Variants in SLC26A5 observed in about 807,000 individuals in gnomAD.
SLC26A5 encodes prestin.
A neutral mutation model predicts 81.0 loss-of-function variants in SLC26A5; 51 were observed. That is an observed-to-expected ratio of 0.63 (90% confidence interval 0.50 to 0.80). The LOEUF (loss-of-function observed/expected upper bound fraction) is 0.80. SLC26A5 is among the 30% of genes least tolerant of loss of function. The pLI is 0.00. For synonymous variants in SLC26A5, 325 were observed against 332.8 expected (o/e 0.98, Z 0.25); for missense variants, 771 against 905.8 (o/e 0.85, Z 1.91).
intron 19 of SLC26A5, chr7:103,369,113 CAT>C (rs1820878966): frequency 6.6e-6 from 1 of 152,102 alleles, no homozygotes; most frequent in African/African-American, 2.4e-5. Context: ...AAGTTGACAA[CAT>C]AGAAAATGCT....
At chr7:103,380,359 CTT>C in intron 15 of SLC26A5, 119 bp downstream of exon 15, 1 of 760,210 alleles carries the variant, frequency 1.3e-6, no homozygotes, top group Non-Finnish European at 2.3e-6. Flanking sequence ...AAAGCTCAGA[CTT>C]TTCACTTTGA....
intron 8 of SLC26A5, among the ~76,000 whole-genome samples, chr7:103,403,057 G>T (rs1036048213): frequency 2.6e-5 from 4 of 152,140 alleles, no homozygotes; most frequent in Admixed American, 2.0e-4. Flanking sequence ...GTGTCCCAGA[G>T]ATTCTGGTCG....
chr7:103,423,507 C>T (rs1324282292), intron 2 of SLC26A5, among the ~76,000 whole-genome samples: 1 of 152,136 alleles, frequency 6.6e-6, no homozygotes, highest in South Asian at 2.1e-4. Context: ...AAGAGTATTA[C>T]GAGGTGTGGT....
intron 19 of SLC26A5, among the ~76,000 whole-genome samples, chr7:103,375,101 C>T (rs983222461): frequency 1.4e-5 from 2 of 145,554 alleles, no homozygotes; most frequent in South Asian, 4.4e-4. Context: ...CATATATATA[C>T]ATATATATAT....
At chr7:103,362,794 CTTTTTTTT>C in intron 19 of SLC26A5, 3 of 839,758 alleles carry the variant, frequency 3.6e-6, no homozygotes, top group Non-Finnish European at 3.5e-6. Context: ...AAGGCTATGT[CTTTTTTTT>C]TTTTTTTTTT....
At chr7:103,440,282 A>G (rs1393603394) in intron 2 of SLC26A5, among the ~76,000 whole-genome samples, 1 of 152,232 alleles carries the variant, frequency 6.6e-6, no homozygotes, top group Non-Finnish European at 1.5e-5. Context: ...AAAGTGTTCA[A>G]TAAACAGGCA....
chr7:103,431,494 T>G (rs985520129), intron 2 of SLC26A5, among the ~76,000 whole-genome samples: 1 of 152,126 alleles, frequency 6.6e-6, no homozygotes, highest in African/African-American at 2.4e-5. Context: ...GGCTAATTTT[T>G]AAATTTTTCT....
chr7:103,387,707 G>A (rs1822306270), intron 14 of SLC26A5, among the ~76,000 whole-genome samples: 1 of 152,126 alleles, frequency 6.6e-6, no homozygotes, highest in Admixed American at 6.5e-5. Flanking sequence ...TTGAGATGGA[G>A]TTTTGCTCTT....
At position 103,391,637 on chromosome 7, in the gene SLC26A5, G is replaced by A. The variant is rs199803319; in HGVS notation, c.1218C>T (p.Thr406=). 4.3e-5 allele frequency: 69 copies of A among 1,613,798 alleles called. No individual in the cohort carries two copies. The highest frequency in any genetic ancestry group is 3.6e-4 in the East Asian group (16 of 44,888). The change falls in exon 11 of 20, where the codon ACC becomes ACT. Residue 406 remains threonine (T), a synonymous_variant. Transcript: ENST00000306312. ...ATGTACATACCTGTGTCTTCCCACC[G>A]GTTCCCTCCTGAACAAGGCTTCGAG... ...SLSRSLVQEG[T]GGKTQLAGCL... is the part of the protein sequence containing the mutation.
rs116564623 is a variant in SLC26A5 at position 103,430,134 on chromosome 7, G to A, written c.-53-8567C>T. ...ACTCTTGTAACCCACCCTAAAGTGC[G>A]ATGGTGTGATCTCGGCTCACTGCAA... On this transcript the variant is annotated intron_variant, in intron 2 of 19. Transcript: ENST00000306312. 3.1e-3 allele frequency among the ~76,000 whole-genome samples: 462 copies of A among 149,896 alleles called. 1 individual carries two copies. Among genetic ancestry groups the A allele is most frequent in the African/African-American group, 0.011 (453 of 40,636 alleles).
At chr7:103,376,705 T>C in intron 19 of SLC26A5, 103 bp downstream of exon 19, 1 of 909,768 alleles carries the variant, frequency 1.1e-6, no homozygotes. Flanking sequence ...ATTTTCATTT[T>C]TATAAAATAA....
chr7:103,412,138 C>T (rs1824534435), intron 5 of SLC26A5, among the ~76,000 whole-genome samples: 1 of 152,154 alleles, frequency 6.6e-6, no homozygotes, highest in South Asian at 2.1e-4. Flanking sequence ...GAACTGCAGG[C>T]ACTATGGAAG....
chr7:103,375,023 A>G (rs974717681), intron 19 of SLC26A5, among the ~76,000 whole-genome samples: 1 of 147,928 alleles, frequency 6.8e-6, no homozygotes, highest in African/African-American at 2.5e-5. Context: ...GTGGGGAAAA[A>G]ATATATACAC....
At chr7:103,398,939 C>A (rs1014987539) in intron 8 of SLC26A5, among the ~76,000 whole-genome samples, 2 of 152,042 alleles carry the variant, frequency 1.3e-5, no homozygotes, top group African/African-American at 4.8e-5. Flanking sequence ...TTTTGTGCAT[C>A]TCTAACTAGG....
At chr7:103,405,560 T>A (rs909341408) in intron 8 of SLC26A5, among the ~76,000 whole-genome samples, 1 of 152,152 alleles carries the variant, frequency 6.6e-6, no homozygotes, top group African/African-American at 2.4e-5. Flanking sequence ...TCCAGAAGCT[T>A]TGTCCCAGAG....
chr7:103,432,953 C>G (rs1056573624), intron 2 of SLC26A5, among the ~76,000 whole-genome samples: 3 of 152,066 alleles, frequency 2.0e-5, no homozygotes, highest in Admixed American at 6.6e-5. Flanking sequence ...TAATTTTGAA[C>G]CTAATTTCTG....
At chr7:103,409,898 C>T (rs538948436) in intron 7 of SLC26A5, among the ~76,000 whole-genome samples, 3 of 152,090 alleles carry the variant, frequency 2.0e-5, no homozygotes, top group South Asian at 2.1e-4. Flanking sequence ...TTAGTAGAGA[C>T]GGGGTTTCAC....
chr7:103,401,332 A>G (rs1434790847), intron 8 of SLC26A5, among the ~76,000 whole-genome samples: 10 of 152,102 alleles, frequency 6.6e-5, no homozygotes, highest in African/African-American at 2.2e-4. Context: ...CTTTGGAGCA[A>G]TTGTGAATGG....
intron 18 of SLC26A5, among the ~76,000 whole-genome samples, chr7:103,377,178 C>G (rs934956746): frequency 6.6e-6 from 1 of 152,132 alleles, no homozygotes. Flanking sequence ...CAGCATCTCA[C>G]TAGTTTACTC....
Sources: gnomAD v4.1 joint callset for allele counts (sites outside exome capture counted in the v4.1 genomes callset) on GRCh38, gnomAD v4.1.1 for gene constraint, MANE v1.5 for transcripts, NCBI Gene and HGNC (gene_info 2026-07-23, HGNC 2026-07-21) for gene names.